Variants in KIAA1217 observed in about 807,000 individuals in gnomAD.
KIAA1217 encodes the protein sickle tail protein homolog.
Under a neutral mutation model 163.9 loss-of-function variants are expected in KIAA1217, and 88 were observed. That is an observed-to-expected ratio of 0.54 (90% CI 0.45 to 0.64). The LOEUF (loss-of-function observed/expected upper bound fraction) is 0.64. KIAA1217 is among the 30% of genes least tolerant of loss of function. The pLI is 0.00. For missense variants in KIAA1217, 2,372 were observed against 2,475.0 expected (o/e 0.96, Z 0.88); for synonymous variants, 903 against 923.1 (o/e 0.98, Z 0.39).
intron 1 of KIAA1217, among the ~76,000 whole-genome samples, chr10:23,871,095 T>C (rs1840436177): frequency 6.6e-6 from 1 of 151,842 alleles, no homozygotes; most frequent in Non-Finnish European, 1.5e-5. Context: ...AGGAAACTCA[T>C]AGGAATGAAT....
At chr10:23,813,527 T>G (rs1196367226) in intron 1 of KIAA1217, among the ~76,000 whole-genome samples, 2 of 152,108 alleles carry the variant, frequency 1.3e-5, no homozygotes, top group African/African-American at 4.8e-5. Context: ...TATAGTAAAA[T>G]TTTTCCCATA....
intron 1 of KIAA1217, among the ~76,000 whole-genome samples, chr10:23,959,020 A>G (rs1177318496): frequency 1.3e-5 from 2 of 150,758 alleles, no homozygotes; most frequent in East Asian, 1.9e-4. Flanking sequence ...CTCTCGAACC[A>G]TGGGCCTGAC....
intron 1 of KIAA1217, among the ~76,000 whole-genome samples, chr10:24,005,538 G>A (rs1023895311): frequency 6.6e-6 from 1 of 152,114 alleles, no homozygotes; most frequent in Non-Finnish European, 1.5e-5. Flanking sequence ...ACTGACCTGG[G>A]TTCAAATCCT....
intron 9 of KIAA1217, among the ~76,000 whole-genome samples, chr10:24,506,136 T>C (rs1409176823): frequency 6.6e-6 from 1 of 152,126 alleles, no homozygotes; most frequent in Non-Finnish European, 1.5e-5. Flanking sequence ...CCCAATAACA[T>C]GGGTTATATA....
chr10:23,699,053 T>A (rs747221214), intron 1 of KIAA1217, among the ~76,000 whole-genome samples: 3 of 152,132 alleles, frequency 2.0e-5, no homozygotes, highest in Non-Finnish European at 2.9e-5. Context: ...ATTTGTCTTT[T>A]CTCTCATTCT....
intron 1 of KIAA1217, among the ~76,000 whole-genome samples, chr10:23,787,625 G>A (rs2130915898): frequency 6.6e-6 from 1 of 152,228 alleles, no homozygotes; most frequent in Non-Finnish European, 1.5e-5. Context: ...TGCCACTGGA[G>A]GAGTATTGCT....
chr10:24,283,244 C>A (rs1013940811), intron 2 of KIAA1217, among the ~76,000 whole-genome samples: 1 of 152,108 alleles, frequency 6.6e-6, no homozygotes, highest in Non-Finnish European at 1.5e-5. Flanking sequence ...TTTGCCTTTC[C>A]CAGAATGTCA....
intron 1 of KIAA1217, among the ~76,000 whole-genome samples, chr10:23,926,655 G>A (rs1341587923): frequency 2.0e-5 from 3 of 152,012 alleles, no homozygotes; most frequent in Admixed American, 6.6e-5. Flanking sequence ...AACCCGGGAG[G>A]CGGAGGTTGC....
chr10:23,846,906 T>C (rs1442374192), intron 1 of KIAA1217, among the ~76,000 whole-genome samples: 1 of 152,090 alleles, frequency 6.6e-6, no homozygotes, highest in Non-Finnish European at 1.5e-5. Context: ...TGAGATATGT[T>C]CCATAGATAC....
intron 1 of KIAA1217, among the ~76,000 whole-genome samples, chr10:23,812,792 A>G (rs889681570): frequency 6.6e-6 from 1 of 152,112 alleles, no homozygotes; most frequent in Admixed American, 6.5e-5. Context: ...ATCACGCAGT[A>G]TGTGGTTTTT....
At chr10:23,701,383 C>A (rs1392529077) in intron 1 of KIAA1217, among the ~76,000 whole-genome samples, 2 of 152,176 alleles carry the variant, frequency 1.3e-5, no homozygotes, top group Non-Finnish European at 2.9e-5. Flanking sequence ...TGCGGTTGTG[C>A]CTTTCATCCT....
chr10:24,271,455 A>T (rs73604462), intron 2 of KIAA1217, among the ~76,000 whole-genome samples: 5,519 of 152,256 alleles, frequency 0.036, 323 homozygotes, highest in African/African-American at 0.13. Context: ...ACTAAAGGAA[A>T]GAAGAGTAGG....
chr10:23,829,988 T>C (rs1439781430), intron 1 of KIAA1217, among the ~76,000 whole-genome samples: 2 of 152,184 alleles, frequency 1.3e-5, no homozygotes, highest in African/African-American at 4.8e-5. Flanking sequence ...CCTCTGTTTG[T>C]TTCTGAATGG....
At chr10:24,048,194 C>T (rs1336998097) in intron 2 of KIAA1217, among the ~76,000 whole-genome samples, 6 of 152,152 alleles carry the variant, frequency 3.9e-5, no homozygotes, top group Admixed American at 1.3e-4. Flanking sequence ...GAGACCAGTT[C>T]GTCCAGATCC....
intron 5 of KIAA1217, among the ~76,000 whole-genome samples, chr10:24,440,458 C>G (rs2060400633): frequency 6.6e-6 from 1 of 152,184 alleles, no homozygotes; most frequent in South Asian, 2.1e-4. Context: ...ACCGGTGCCC[C>G]AGAATCGCCT....
At chr10:24,340,714 G>A (rs1454686576) in intron 2 of KIAA1217, among the ~76,000 whole-genome samples, 1 of 152,148 alleles carries the variant, frequency 6.6e-6, no homozygotes, top group Non-Finnish European at 1.5e-5. Context: ...ACTCCTGAGA[G>A]TTTTCTTCTG....
intron 2 of KIAA1217, among the ~76,000 whole-genome samples, chr10:24,363,861 C>T (rs220339): frequency 0.24 from 36,333 of 152,086 alleles, 4,458 homozygotes; most frequent in South Asian, 0.36. Flanking sequence ...CATGGGCCAC[C>T]GCACCAGGCC....
chr10:23,934,578 T>C lies in KIAA1217; in HGVS notation c.-320-72647T>C, dbSNP rs531611313. Among the ~76,000 whole-genome samples the C allele has an allele frequency of 4.6e-3, 372 of 80,314 alleles. 19 individuals are homozygous for C. Among genetic ancestry groups the C allele is most frequent in the Non-Finnish European group, 6.3e-3 (303 of 48,356 alleles). 52.7% of individuals were successfully genotyped at this position (80,314 alleles called of 152,430 possible). On this transcript the variant is annotated intron_variant, in intron 1 of 18. Transcript: ENST00000376462. ...TAAAGTATATATATATATATATATA[T>C]ATATATATATATGTATATATATATA...
intron 2 of KIAA1217, among the ~76,000 whole-genome samples, chr10:24,083,794 G>C (rs2061608106): frequency 1.3e-5 from 2 of 152,146 alleles, no homozygotes; most frequent in African/African-American, 4.8e-5. Context: ...GGGAGGAATT[G>C]AGGCTGCCTC....
Sources: gnomAD v4.1 joint callset for allele counts (sites outside exome capture counted in the v4.1 genomes callset) on GRCh38, gnomAD v4.1.1 for gene constraint, MANE v1.5 for transcripts, NCBI Gene and HGNC (gene_info 2026-07-23, HGNC 2026-07-21) for gene names.